Variants in NUP153 observed in about 807,000 individuals in gnomAD.
NUP153 encodes the protein nuclear pore complex protein Nup153.
In NUP153, 27 loss-of-function variants were observed where a neutral mutation model predicts 134.6. The ratio of observed to expected loss-of-function variants is 0.20; its 90% CI spans 0.15 to 0.28. NUP153 has a LOEUF of 0.28. Among genes scored for constraint, NUP153 ranks in the 10% least tolerant of loss-of-function variants. The pLI, the probability that NUP153 is intolerant of heterozygous loss-of-function variation, is 1.00. For synonymous variants in NUP153, 640 were observed against 623.5 expected (o/e 1.03, Z -0.40); for missense variants, 1,821 against 1,731.3 (o/e 1.05, Z -0.92).
At chr6:17,669,955 C>T (rs1262447844) in intron 5 of NUP153, among the ~76,000 whole-genome samples, 1 of 151,562 alleles carries the variant, frequency 6.6e-6, no homozygotes, top group Non-Finnish European at 1.5e-5. Context: ...ATTAGCCAGG[C>T]GTGGCAGTGT....
intron 11 of NUP153, among the ~76,000 whole-genome samples, chr6:17,658,365 C>T (rs749640689): frequency 6.6e-6 from 1 of 152,220 alleles, no homozygotes; most frequent in Admixed American, 6.5e-5. Context: ...TACTGCCCTC[C>T]AGCCTGGGCC....
In NUP153 at chr6:17,669,301, G is replaced by T. The variant is rs1410320349; in HGVS notation, c.1006C>A (p.Leu336Met). Residue 336 changes from leucine (L) to methionine (M), a missense_variant, in exon 7 of 22, where the codon CTG becomes ATG. Leu to Met is a conservative substitution (Grantham distance 15). Transcript: ENST00000262077. ...TTTAAATCTCAACTTACAGAATTCA[G>T]AGGAGAAGAAACAATGGATGGAATT... ...KRIPSIVSSP[L>M]NSPLDRSGID... is the part of the protein sequence containing the mutation. The T allele has an allele frequency of 1.9e-6, 3 of 1,610,416 alleles. No individual in the cohort carries two copies. Among genetic ancestry groups the T allele is most frequent in the Non-Finnish European group, 2.5e-6 (3 of 1,176,992 alleles).
At chr6:17,619,969 G>C (rs909212222) in intron 20 of NUP153, among the ~76,000 whole-genome samples, 1 of 151,784 alleles carries the variant, frequency 6.6e-6, no homozygotes, top group African/African-American at 2.4e-5. Flanking sequence ...GTGGTGGCAC[G>C]CGCCTGTAAT....
At position 17,688,651 on chromosome 6, in the gene NUP153, T is replaced by C. The variant is rs764485714; in HGVS notation, c.112-33A>G. The C allele has an allele frequency of 2.6e-6, 4 of 1,527,144 alleles. No homozygotes were observed. In the East Asian group the frequency reaches 9.0e-5, roughly 34 times the overall value. 94.6% of individuals were successfully genotyped at this position (1,527,144 alleles called of 1,614,324 possible). A position where few individuals can be genotyped will look rare whatever the true frequency, so the allele number is the denominator to read the frequency against. ...GAGAAAAAACATATTATGACAGTTT[T>C]AGAAATTTATCTTTTTAAAATAAGT... On this transcript the variant is annotated intron_variant, in intron 1 of 21. Coordinates refer to ENST00000262077, the MANE Select transcript of NUP153 (RefSeq NM_005124.4).
intron 2 of NUP153, among the ~76,000 whole-genome samples, chr6:17,678,635 T>C (rs993669596): frequency 2.0e-5 from 3 of 152,120 alleles, no homozygotes; most frequent in Admixed American, 2.0e-4. Context: ...TGTTCTTCTA[T>C]GTGCTATCTT....
Position 17,625,869 on chromosome 6 carries a change from G to A in NUP153, c.3840C>T (p.Ser1280=). The A allele has an allele frequency of 6.2e-7, 1 of 1,614,216 alleles. No individual in the cohort carries two copies. Among genetic ancestry groups the A allele is most frequent in the Middle Eastern group, 1.6e-4 (1 of 6,062 alleles). ...VTPFVFGPGA[S]SNNTTTSGFG... is the part of the protein sequence containing the mutation. ...AACCAGAGGTGGTAGTATTATTACT[G>A]CTGGCTCCTGGACCAAAGACAAATG... is the stretch of plus-strand genomic sequence containing the variant. The change falls in exon 19 of 22, where the codon AGC becomes AGT. Residue 1280 remains serine (S), a synonymous_variant. Transcript: ENST00000262077. The surrounding 1 kb of genome is among the most constrained non-coding windows in gnomAD (Gnocchi z 4.7).
rs561944947 is a variant in NUP153 at position 17,680,356 on chromosome 6, A to G, written c.335-4586T>C. Among the ~76,000 whole-genome samples the G allele has an allele frequency of 2.3e-4, 35 of 152,354 alleles. No individual in the cohort carries two copies. The highest frequency in any genetic ancestry group is 7.9e-4 in the African/African-American group (33 of 41,594). On this transcript the variant is annotated intron_variant, in intron 2 of 21. Transcript: ENST00000262077. The surrounding 1 kb of genome is among the most constrained non-coding windows in gnomAD (Gnocchi z 4.5). ...AGGATTTCAAGACCACTCAATGGGA[A>G]AAGGACAGTCTCTTCATTAAATGGT... is the stretch of plus-strand genomic sequence containing the variant.
At chr6:17,701,377 A>G (rs1770059556) in intron 1 of NUP153, among the ~76,000 whole-genome samples, 1 of 151,984 alleles carries the variant, frequency 6.6e-6, no homozygotes, top group South Asian at 2.1e-4. Flanking sequence ...AAAATACAAA[A>G]ATTAGGCCGA....
chr6:17,649,084 G>T, intron 12 of NUP153, 79 bp downstream of exon 12: 2 of 1,280,994 alleles, frequency 1.6e-6, no homozygotes, highest in Non-Finnish European at 1.1e-6. Flanking sequence ...ATTAAACACT[G>T]TTTATAATAT....
rs1764258060 is a variant in NUP153, at chr6:17,615,315, T to C, written c.*782A>G. On this transcript the variant is annotated 3_prime_UTR_variant, in exon 22 of 22. Coordinates refer to ENST00000262077, the MANE Select transcript of NUP153 (RefSeq NM_005124.4). The surrounding 1 kb of genome is among the most constrained non-coding windows in gnomAD (Gnocchi z 5.7). ...TTAGGCAACTTTGAATAATGGGATT[T>C]ACATAATAAAATCTGAGACAAGACT... The C allele has an allele frequency of 6.6e-6, 1 of 152,604 alleles. No homozygotes were observed. The highest frequency in any genetic ancestry group is 2.1e-4 in the South Asian group (1 of 4,836). 9.5% of individuals were successfully genotyped at this position (152,604 alleles called of 1,614,324 possible).
intron 1 of NUP153, among the ~76,000 whole-genome samples, chr6:17,704,798 C>T (rs1770370566): frequency 6.6e-6 from 1 of 150,838 alleles, no homozygotes; most frequent in African/African-American, 2.4e-5. Context: ...CTCGCTCTGT[C>T]GCCCAGGCTG....
rs770223372 is a variant in NUP153, at chr6:17,675,680, T to G, written c.425A>C (p.Glu142Ala). ...HRSHLNFSMLESPALHCQPST... is the reference protein window; with the variant it reads ...HRSHLNFSMLASPALHCQPST... The stretch of plus-strand genomic sequence containing the variant: ...TGGCTGACAGTGTAATGCAGGGGAT[T>G]CCAACATGGAAAAATTCAGATGGCT... Residue 142 changes from glutamate (E) to alanine (A), a missense_variant, in exon 3 of 22, where the codon GAA becomes GCA. Glu to Ala is a moderately radical substitution (Grantham distance 107). Transcript: ENST00000262077. This position sits in a 1 kb window ranked among gnomAD's most constrained non-coding sequence, Gnocchi z 4.4. 1 of 1,614,180 alleles carries G rather than the reference T, an allele frequency of 6.2e-7. No individual in the cohort carries two copies. The highest frequency in any genetic ancestry group is 8.5e-7 in the Non-Finnish European group (1 of 1,180,032).
intron 5 of NUP153, 107 bp downstream of exon 5, chr6:17,674,798 A>T: frequency 1.0e-6 from 1 of 992,110 alleles, no homozygotes; most frequent in African/African-American, 1.7e-5. Flanking sequence ...AAAGAAAAAT[A>T]AAAAATAAAT....
At chr6:17,688,230 AT>A (rs1769059096) in intron 2 of NUP153, among the ~76,000 whole-genome samples, 165 bp downstream of exon 2, 1 of 152,268 alleles carries the variant, frequency 6.6e-6, no homozygotes, top group African/African-American at 2.4e-5. Flanking sequence ...TCCTTAATAA[AT>A]AAAACACTGA....
intron 11 of NUP153, among the ~76,000 whole-genome samples, chr6:17,658,754 A>G (rs1766992255): frequency 6.6e-6 from 1 of 152,200 alleles, no homozygotes; most frequent in South Asian, 2.1e-4. Context: ...TCTATGCAAC[A>G]ACAAACCATT....
chr6:17,640,100 A>G, intron 14 of NUP153, 36 bp from the exon 15 acceptor site: 1 of 1,432,450 alleles, frequency 7.0e-7, no homozygotes. Flanking sequence ...ATTATGCCAA[A>G]TAAAACACTG....
rs919740954 is a variant in NUP153, at chr6:17,638,413, G to A, written c.1847-643C>T. Among the ~76,000 whole-genome samples the A allele has an allele frequency of 2.6e-5, 4 of 152,032 alleles. No homozygotes were observed. Among genetic ancestry groups the A allele is most frequent in the Admixed American group, 1.3e-4 (2 of 15,268 alleles). ...GTGATCTGTTTCTCCAGCCTTACCC[G>A]CCAAAGAAAAAGAAATTAAAAGGAG... is the stretch of plus-strand genomic sequence containing the variant. On this transcript the variant is annotated intron_variant, in intron 15 of 21. Transcript: ENST00000262077. This position sits in a 1 kb window ranked among gnomAD's most constrained non-coding sequence, Gnocchi z 4.0.
intron 11 of NUP153, among the ~76,000 whole-genome samples, chr6:17,657,865 T>C (rs191890439): frequency 6.6e-6 from 1 of 152,254 alleles, no homozygotes; most frequent in Non-Finnish European, 1.5e-5. Context: ...TGTGGTTACA[T>C]TATACATCAT....
intron 14 of NUP153, among the ~76,000 whole-genome samples, chr6:17,644,972 G>A (rs1027971113): frequency 5.9e-5 from 9 of 152,110 alleles, no homozygotes; most frequent in Non-Finnish European, 8.8e-5. Flanking sequence ...TGTGGTGCCA[G>A]CTACTCGGGA....
Sources: gnomAD v4.1 joint callset for allele counts (sites outside exome capture counted in the v4.1 genomes callset) on GRCh38, gnomAD v4.1.1 for gene constraint, Gnocchi (gnomAD v3.1) non-coding constraint, MANE v1.5 for transcripts, NCBI Gene and HGNC (gene_info 2026-07-23, HGNC 2026-07-21) for gene names.